The following TTC27 variants were observed in gnomAD, a reference collection of about 807,000 sequenced individuals.
The protein encoded by TTC27 is tetratricopeptide repeat domain 27.
TTC27 carries 79 observed loss-of-function variants against 115.9 expected under a neutral mutation model. The observed-to-expected ratio is 0.68, with a 90% CI of 0.57 to 0.82. The LOEUF (loss-of-function observed/expected upper bound fraction) is 0.82, where lower values mean the gene tolerates loss of function less well. Among genes scored for constraint, TTC27 ranks in the 40% least tolerant of loss-of-function variants. TTC27 has a pLI of 0.00. For missense variants in TTC27, 1,054 were observed against 993.1 expected, an observed-to-expected ratio of 1.06 and a Z score of -0.82; for synonymous variants, 401 against 356.0, an observed-to-expected ratio of 1.13 and a Z score of -1.42.
At chr2:32,762,745 G>A (rs1306243769) in intron 13 of TTC27, among the ~76,000 whole-genome samples, 1 of 152,032 alleles carries the variant, frequency 6.6e-6, no homozygotes, top group Non-Finnish European at 1.5e-5. Context: ...AGGTTCAGGC[G>A]ATTCTCCTGC....
Position 32,811,098 on chromosome 2 carries a change from A to G in TTC27, c.2073A>G (p.Lys691=), listed in dbSNP as rs994418339. 1.1e-5 allele frequency: 18 copies of G among 1,614,082 alleles called. No individual in the cohort carries two copies. The highest frequency in any genetic ancestry group is 1.4e-5 in the Non-Finnish European group (17 of 1,180,040). Reference sequence around the variant, plus strand: ...GTGGAGATGTTGCAACTGGCCTCAAAGGAAAGCTGCAGGAGTTATTTGGCA... The same window carrying G: ...GTGGAGATGTTGCAACTGGCCTCAAGGGAAAGCTGCAGGAGTTATTTGGCA... The part of the protein sequence containing the change: ...DRSGDVATGL[K]GKLQELFGRV... Residue 691 remains lysine, a synonymous_variant, in exon 17 of 20, where the codon AAA becomes AAG. Coordinates refer to ENST00000317907, the MANE Select transcript of TTC27 (RefSeq NM_017735.5).
At chr2:32,743,403 C>T (rs2151920011) in intron 12 of TTC27, among the ~76,000 whole-genome samples, 1 of 152,296 alleles carries the variant, frequency 6.6e-6, no homozygotes, top group Admixed American at 6.5e-5. Flanking sequence ...AAACCCAAGG[C>T]TTCATCCCTG....
intron 10 of TTC27, among the ~76,000 whole-genome samples, chr2:32,714,899 A>C (rs1667703935): frequency 6.6e-6 from 1 of 151,796 alleles, no homozygotes; most frequent in Non-Finnish European, 1.5e-5. Flanking sequence ...TTGAAAAGTG[A>C]CTGTTCATGT....
chr2:32,766,835 G>C (rs990201355), intron 13 of TTC27, among the ~76,000 whole-genome samples: 4 of 151,886 alleles, frequency 2.6e-5, no homozygotes, highest in Non-Finnish European at 5.9e-5. Context: ...ACTCAGGCTG[G>C]AGTGCAGTGG....
chr2:32,634,787 G>T (rs993464690), intron 3 of TTC27, among the ~76,000 whole-genome samples: 3 of 151,918 alleles, frequency 2.0e-5, no homozygotes, highest in African/African-American at 7.3e-5. Context: ...CTCCCTAGTA[G>T]CTGGGATTAC....
intron 10 of TTC27, among the ~76,000 whole-genome samples, chr2:32,724,605 A>G (rs1327818984): frequency 2.0e-5 from 3 of 152,194 alleles, no homozygotes; most frequent in African/African-American, 7.2e-5. Flanking sequence ...TAAAATGGAA[A>G]GTACTTACAA....
intron 9 of TTC27, among the ~76,000 whole-genome samples, chr2:32,679,593 G>A (rs1228177894): frequency 2.6e-5 from 4 of 152,014 alleles, no homozygotes; most frequent in South Asian, 2.1e-4. Flanking sequence ...TTTTTCAAAG[G>A]CATTTTCATT....
intron 10 of TTC27, among the ~76,000 whole-genome samples, chr2:32,706,604 G>A (rs1407494456): frequency 4.0e-5 from 6 of 151,516 alleles, no homozygotes; most frequent in South Asian, 4.2e-4. Context: ...TACTCTTGTC[G>A]CCCAGGCTGG....
chr2:32,715,664 A>C (rs1667728931), intron 10 of TTC27, among the ~76,000 whole-genome samples: 1 of 152,120 alleles, frequency 6.6e-6, no homozygotes, highest in African/African-American at 2.4e-5. Context: ...GTGTGGGCCG[A>C]AACATTTCTC....
intron 2 of TTC27, among the ~76,000 whole-genome samples, chr2:32,631,417 G>C (rs1439982460): frequency 6.6e-6 from 1 of 152,180 alleles, no homozygotes; most frequent in Non-Finnish European, 1.5e-5. Flanking sequence ...AGAGCTCAGA[G>C]AACTTAATGT....
At chr2:32,680,793 C>A in intron 9 of TTC27, among the ~76,000 whole-genome samples, 1 of 152,108 alleles carries the variant, frequency 6.6e-6, no homozygotes, top group East Asian at 1.9e-4. Flanking sequence ...TTTATTGCAG[C>A]ATATATATTA....
chr2:32,723,906 C>T (rs1364826117), intron 10 of TTC27, among the ~76,000 whole-genome samples: 2 of 148,446 alleles, frequency 1.3e-5, no homozygotes, highest in African/African-American at 5.0e-5. Context: ...CTCAAGTGAT[C>T]CTTCTGCCTT....
At position 32,703,226 on chromosome 2, in the gene TTC27, T is replaced by C. The variant is rs577537279; in HGVS notation, c.1233+306T>C. Among the ~76,000 whole-genome samples the C allele has an allele frequency of 2.0e-4, 31 of 152,300 alleles. 1 individual carries two copies. The South Asian group carries it at 6.4e-3, about 32-fold the overall frequency. On this transcript the variant is annotated intron_variant, in intron 10 of 19. Coordinates refer to ENST00000317907, the MANE Select transcript of TTC27 (RefSeq NM_017735.5). ...GCTCACGCCTGTGATCCCACCACTTTGGGAGGCCAAGGCAGGTGGATCATG... is the reference window on the plus strand; with the variant it reads ...GCTCACGCCTGTGATCCCACCACTTCGGGAGGCCAAGGCAGGTGGATCATG...
At chr2:32,715,866 G>GT (rs71407464) in intron 10 of TTC27, among the ~76,000 whole-genome samples, 1,586 of 141,712 alleles carry the variant, frequency 0.011, 15 homozygotes, top group South Asian at 0.018. Flanking sequence ...CTTTATGTTT[G>GT]TTTTTTTTTT....
chr2:32,787,874 C>A (rs1670401738), intron 16 of TTC27, among the ~76,000 whole-genome samples: 3 of 152,084 alleles, frequency 2.0e-5, no homozygotes, highest in Non-Finnish European at 4.4e-5. Flanking sequence ...GGAGAGATAG[C>A]AGAGTTTTAC....
chr2:32,744,107 T>C (rs949662089), intron 12 of TTC27, among the ~76,000 whole-genome samples: 1 of 152,174 alleles, frequency 6.6e-6, no homozygotes, highest in African/African-American at 2.4e-5. Flanking sequence ...CATGAGCAAA[T>C]ATTTTAGTAT....
chr2:32,741,400 T>C (rs1263939213), intron 12 of TTC27, among the ~76,000 whole-genome samples: 4 of 151,806 alleles, frequency 2.6e-5, no homozygotes, highest in African/African-American at 9.7e-5. Flanking sequence ...TCCCAGCACA[T>C]TGGTAGGCTG....
At chr2:32,673,655 G>C (rs1312221479) in intron 8 of TTC27, among the ~76,000 whole-genome samples, 1 of 152,204 alleles carries the variant, frequency 6.6e-6, no homozygotes. Flanking sequence ...CATGATTAAA[G>C]TGGTGTTTGC....
chr2:32,757,410 T>C (rs915677774), intron 12 of TTC27, among the ~76,000 whole-genome samples: 2 of 152,152 alleles, frequency 1.3e-5, no homozygotes, highest in African/African-American at 4.8e-5. Context: ...TGAAGCAGTG[T>C]TCCCCTTTTA....
Sources: gnomAD v4.1 joint callset for allele counts (sites outside exome capture counted in the v4.1 genomes callset) on GRCh38, gnomAD v4.1.1 for gene constraint, MANE v1.5 for transcripts, NCBI Gene and HGNC (gene_info 2026-07-23, HGNC 2026-07-21) for gene names.